The following TYW1B variants were observed in gnomAD, a reference collection of about 807,000 sequenced individuals.
The protein encoded by TYW1B is S-adenosyl-L-methionine-dependent tRNA 4-demethylwyosine synthase TYW1B.
In TYW1B, 73 loss-of-function variants were observed where a neutral mutation model predicts 86.9. That is an observed-to-expected ratio of 0.84 (90% CI 0.70 to 1.02). The LOEUF (loss-of-function observed/expected upper bound fraction) is 1.02. TYW1B is among the 50% of genes least tolerant of loss of function. TYW1B has a pLI of 0.00. For synonymous variants in TYW1B, 248 were observed against 292.8 expected (o/e 0.85, Z 1.56); for missense variants, 637 against 827.4 (o/e 0.77, Z 2.82).
At chr7:72,631,393 A>T (rs1483832470) in intron 11 of TYW1B, among the ~76,000 whole-genome samples, 1 of 152,128 alleles carries the variant, frequency 6.6e-6, no homozygotes, top group Non-Finnish European at 1.5e-5. Flanking sequence ...AGGCACCTGT[A>T]ATCCAAGCTA....
chr7:72,744,453 T>C (rs369723478), intron 8 of TYW1B, 31 bp downstream of exon 8: 15 of 1,593,700 alleles, frequency 9.4e-6, no homozygotes, highest in Non-Finnish European at 1.3e-5. Flanking sequence ...CATTACATAT[T>C]CGATCACCAT....
chr7:72,799,626 T>G (rs1445307486), intron 6 of TYW1B, among the ~76,000 whole-genome samples: 1 of 151,926 alleles, frequency 6.6e-6, no homozygotes, highest in Admixed American at 6.6e-5. Flanking sequence ...CCACCACACC[T>G]GGCTAATTTT....
chr7:72,632,221 C>T (rs1433808178), intron 11 of TYW1B, among the ~76,000 whole-genome samples: 8 of 142,188 alleles, frequency 5.6e-5, no homozygotes, highest in African/African-American at 1.1e-4. Flanking sequence ...ATCGTACCAA[C>T]GCACTCCAGC....
intron 13 of TYW1B, among the ~76,000 whole-genome samples, chr7:72,598,628 C>T (rs1423041617): frequency 1.3e-5 from 2 of 152,062 alleles, no homozygotes; most frequent in African/African-American, 4.8e-5. Context: ...CCAGTAATGG[C>T]TTTAGTAAGT....
chr7:72,789,939 C>CAT, intron 6 of TYW1B, among the ~76,000 whole-genome samples: 1 of 69,210 alleles, frequency 1.4e-5, no homozygotes, highest in East Asian at 4.7e-4. Flanking sequence ...ATAGGATTAT[C>CAT]TTTTTTTTTT....
intron 13 of TYW1B, among the ~76,000 whole-genome samples, chr7:72,593,376 G>A (rs1379788650): frequency 6.6e-6 from 1 of 151,932 alleles, no homozygotes; most frequent in Non-Finnish European, 1.5e-5. Context: ...ACAGAACACT[G>A]TACCTAACAA....
chr7:72,794,596 G>A (rs1788275409), intron 6 of TYW1B, among the ~76,000 whole-genome samples: 1 of 151,956 alleles, frequency 6.6e-6, no homozygotes, highest in Non-Finnish European at 1.5e-5. Flanking sequence ...CGGAAAATGG[G>A]CTCAAAAAAG....
intron 2 of TYW1B, among the ~76,000 whole-genome samples, chr7:72,823,634 T>C (rs1391906428): frequency 6.6e-6 from 1 of 150,996 alleles, no homozygotes; most frequent in Non-Finnish European, 1.5e-5. Flanking sequence ...AATAAATAAA[T>C]AAAAAATAAA....
chr7:72,786,715 T>C (rs1417595767), intron 6 of TYW1B, among the ~76,000 whole-genome samples: 12 of 151,776 alleles, frequency 7.9e-5, no homozygotes, highest in Admixed American at 7.2e-4. Context: ...GCTGGGATTA[T>C]AGGCACGCAC....
At chr7:72,576,121 T>C (rs1554428450) in intron 13 of TYW1B, among the ~76,000 whole-genome samples, 2 of 152,248 alleles carry the variant, frequency 1.3e-5, no homozygotes, top group African/African-American at 2.4e-5. Flanking sequence ...TGGAATCCTT[T>C]TTAGACTCAA....
chr7:72,595,811 A>T (rs1165549182), intron 13 of TYW1B, among the ~76,000 whole-genome samples: 7 of 152,236 alleles, frequency 4.6e-5, no homozygotes, highest in African/African-American at 1.7e-4. Flanking sequence ...ATAAAACATT[A>T]CTGAAAGTAA....
chr7:72,752,313 A>C (rs1554465234), intron 7 of TYW1B, among the ~76,000 whole-genome samples: 1 of 92 alleles, frequency 0.011, no homozygotes, highest in African/African-American at 0.071. Flanking sequence ...CCAGGAAGGA[A>C]AGAGAAAATT....
intron 6 of TYW1B, among the ~76,000 whole-genome samples, chr7:72,779,046 T>C (rs1554471166): frequency 6.6e-6 from 1 of 151,820 alleles, no homozygotes; most frequent in East Asian, 1.9e-4. Context: ...TGTTACACTT[T>C]AGGGGAGATA....
chr7:72,734,585 CA>C (rs1787167702), intron 8 of TYW1B, among the ~76,000 whole-genome samples: 3 of 152,020 alleles, frequency 2.0e-5, no homozygotes, highest in African/African-American at 7.2e-5. Context: ...TTACAGGCAA[CA>C]AAAGTAAAAA....
At chr7:72,698,645 CAA>C (rs782639827) in intron 10 of TYW1B, among the ~76,000 whole-genome samples, 234 of 129,834 alleles carry the variant, frequency 1.8e-3, no homozygotes, top group Middle Eastern at 3.7e-3. Flanking sequence ...GACTCCATCT[CAA>C]AAAAAAAAAA....
chr7:72,616,756 G>T lies in TYW1B; in HGVS notation c.1701C>A (p.Val567=), dbSNP rs370199439. 147 of 1,614,102 alleles carry T rather than the reference G, an allele frequency of 9.1e-5. No individual in the cohort carries two copies. The highest frequency in any genetic ancestry group is 1.1e-4 in the Non-Finnish European group (131 of 1,180,044). Residue 567 remains valine, a synonymous_variant, in exon 13 of 14, where the codon GTC becomes GTA. Transcript: ENST00000620995. ...VPWHEEVVQF[V]RELVDLIPEY... ...CGGGGATCAGATCCACCAGCTCGCG[G>T]ACAAACTGTACCACTTCCTCATGCC...
chr7:72,739,097 G>A (rs1554461596), intron 8 of TYW1B, among the ~76,000 whole-genome samples: 1 of 151,906 alleles, frequency 6.6e-6, no homozygotes, highest in African/African-American at 2.4e-5. Flanking sequence ...TAGTATTGTG[G>A]CTATATTATT....
intron 13 of TYW1B, among the ~76,000 whole-genome samples, chr7:72,596,221 A>G (rs1323516957): frequency 4.6e-5 from 7 of 151,410 alleles, no homozygotes; most frequent in African/African-American, 1.7e-4. Flanking sequence ...AACACTACCC[A>G]AAGTTACCTA....
intron 13 of TYW1B, among the ~76,000 whole-genome samples, chr7:72,591,424 G>C (rs1301690630): frequency 6.6e-6 from 1 of 152,134 alleles, no homozygotes; most frequent in Non-Finnish European, 1.5e-5. Context: ...CAAAGACAGA[G>C]AATCTTGAAA....
Sources: allele counts gnomAD v4.1 joint callset (sites outside exome capture counted in the v4.1 genomes callset), GRCh38; gene constraint gnomAD v4.1.1; transcripts MANE v1.5; gene names NCBI Gene and HGNC (gene_info 2026-07-23, HGNC 2026-07-21).